SGCD: variants seen among roughly 807,000 people sequenced by gnomAD.
SGCD encodes sarcoglycan delta, also known as delta-sarcoglycan.
Under a neutral mutation model 36.6 loss-of-function variants are expected in SGCD, and 18 were observed. That is an observed-to-expected ratio of 0.49 (90% CI 0.34 to 0.73). The LOEUF (loss-of-function observed/expected upper bound fraction) is 0.73, where lower values mean the gene tolerates loss of function less well. Among genes scored for constraint, SGCD ranks in the 30% least tolerant of loss-of-function variants. The probability of loss-of-function intolerance (pLI) is 0.01; values close to 1 mark genes in which losing one functional copy is unlikely to be tolerated. For missense variants in SGCD, 387 were observed against 346.7 expected (o/e 1.12, Z -0.92); for synonymous variants, 133 against 130.6 (o/e 1.02, Z -0.12).
At chr5:156,050,549 TG>T (rs1184232581) in intron 1 of SGCD, among the ~76,000 whole-genome samples, 3 of 146,794 alleles carry the variant, frequency 2.0e-5, no homozygotes, top group African/African-American at 7.4e-5. Flanking sequence ...CTCTGAGCTA[TG>T]CTTTTATGCA....
At chr5:155,760,018 C>T in the SGCD span, among the ~76,000 whole-genome samples, 1 of 42,094 alleles carries the variant, frequency 2.4e-5, no homozygotes, top group Admixed American at 3.2e-4. Flanking sequence ...TTATCCTCAC[C>T]ATCATCATAA....
chr5:155,853,616 T>A, the SGCD span, among the ~76,000 whole-genome samples: 1 of 152,232 alleles, frequency 6.6e-6, no homozygotes, highest in Non-Finnish European at 1.5e-5. Flanking sequence ...TGTCATTAGC[T>A]CTTTGATAAT....
intron 6 of SGCD, among the ~76,000 whole-genome samples, chr5:156,635,138 T>G (rs140444869): frequency 6.6e-6 from 1 of 152,210 alleles, no homozygotes; most frequent in South Asian, 2.1e-4. Context: ...GTGGGAGGAT[T>G]GCTTGAGTTC....
intron 3 of SGCD, among the ~76,000 whole-genome samples, chr5:156,297,784 TAATAAAAA>T (rs939552618): frequency 7.4e-6 from 1 of 135,910 alleles, no homozygotes; most frequent in African/African-American, 3.1e-5. Context: ...ACTTAAAGTA[TAATAAAAA>T]AATAAATAAA....
At position 156,144,370 on chromosome 5, in the gene SGCD, C is replaced by T. The variant is rs1762660186; in HGVS notation, c.-44+20351C>T. 1.7e-4 allele frequency among the ~76,000 whole-genome samples: 26 copies of T among 152,234 alleles called. No homozygotes were observed. In the South Asian group the frequency reaches 4.8e-3, roughly 28 times the overall value. On this transcript the variant is annotated intron_variant, in intron 3 of 9. Transcript: ENST00000517913. ...GTCCCACCAACAGTGTAAAAGTGTTCCTATTTCTCCACATCCTCTCCAGAA... is the reference window on the plus strand; with the variant it reads ...GTCCCACCAACAGTGTAAAAGTGTTTCTATTTCTCCACATCCTCTCCAGAA...
chr5:156,432,592 T>C (rs906643324), intron 3 of SGCD, among the ~76,000 whole-genome samples: 1 of 152,088 alleles, frequency 6.6e-6, no homozygotes, highest in Admixed American at 6.6e-5. Context: ...GGGGTCAGGG[T>C]TAGGCGGGTC....
chr5:155,774,730 G>A, the SGCD span, among the ~76,000 whole-genome samples: 1 of 152,034 alleles, frequency 6.6e-6, no homozygotes, highest in Non-Finnish European at 1.5e-5. Context: ...ATGATACCAG[G>A]CCCACCTGGA....
At chr5:155,802,649 G>A in the SGCD span, among the ~76,000 whole-genome samples, 1 of 152,170 alleles carries the variant, frequency 6.6e-6, no homozygotes, top group Admixed American at 6.5e-5. Context: ...TATGTTTTTA[G>A]CAGCTCCTAC....
chr5:156,631,019 C>A (rs563043532), intron 6 of SGCD, among the ~76,000 whole-genome samples: 1 of 152,106 alleles, frequency 6.6e-6, no homozygotes, highest in Admixed American at 6.6e-5. Context: ...CCTGCCCCAG[C>A]CAAGGAAGGG....
intron 1 of SGCD, among the ~76,000 whole-genome samples, chr5:156,106,480 C>A (rs1250238406): frequency 6.6e-6 from 1 of 152,130 alleles, no homozygotes; most frequent in Non-Finnish European, 1.5e-5. Context: ...TTGTGAAATA[C>A]TATCAAGCTG....
chr5:156,491,729 A>T (rs1229081318), intron 3 of SGCD, among the ~76,000 whole-genome samples: 1 of 152,164 alleles, frequency 6.6e-6, no homozygotes, highest in Non-Finnish European at 1.5e-5. Flanking sequence ...GGCTGCAGTA[A>T]TTGTAAATTC....
intron 7 of SGCD, among the ~76,000 whole-genome samples, chr5:156,754,578 C>T (rs1202979089): frequency 6.6e-6 from 1 of 152,162 alleles, no homozygotes; most frequent in East Asian, 1.9e-4. Context: ...GAAAGAAATA[C>T]AGTTATTCTG....
At chr5:155,976,127 G>A (rs1758109053) in intron 1 of SGCD, among the ~76,000 whole-genome samples, 1 of 152,084 alleles carries the variant, frequency 6.6e-6, no homozygotes, top group African/African-American at 2.4e-5. Flanking sequence ...AAAAAATGCT[G>A]TAAGACAGAT....
At chr5:156,185,843 A>ATGTGTGTGTGTG (rs1465310637) in intron 3 of SGCD, among the ~76,000 whole-genome samples, 42 of 33,562 alleles carry the variant, frequency 1.3e-3, no homozygotes, top group African/African-American at 2.6e-3. Flanking sequence ...GTATATATAT[A>ATGTGTGTGTGTG]TATATATAGA....
At chr5:156,180,663 A>T (rs1763586577) in intron 3 of SGCD, among the ~76,000 whole-genome samples, 1 of 152,186 alleles carries the variant, frequency 6.6e-6, no homozygotes, top group Admixed American at 6.5e-5. Context: ...GGCATTCAAC[A>T]TTTATTTTAA....
intron 3 of SGCD, among the ~76,000 whole-genome samples, chr5:156,371,833 A>G (rs1386563485): frequency 1.3e-5 from 2 of 152,192 alleles, no homozygotes; most frequent in African/African-American, 4.8e-5. Context: ...CTGATGGTTT[A>G]TAGCACATCT....
At chr5:156,238,826 T>G (rs967034626) in intron 3 of SGCD, among the ~76,000 whole-genome samples, 4 of 152,130 alleles carry the variant, frequency 2.6e-5, no homozygotes, top group African/African-American at 9.7e-5. Context: ...CTGTAGCCTA[T>G]TTTAGAGTAT....
intron 4 of SGCD, among the ~76,000 whole-genome samples, chr5:156,578,794 G>A (rs147232585): frequency 0.032 from 4,816 of 151,990 alleles, 265 homozygotes; most frequent in African/African-American, 0.11. Context: ...ATCTATTTGA[G>A]TCTTCTCTCT....
chr5:156,227,601 C>T (rs995326131), intron 3 of SGCD, among the ~76,000 whole-genome samples: 3 of 151,204 alleles, frequency 2.0e-5, no homozygotes, highest in Admixed American at 6.6e-5. Flanking sequence ...TTTTTTGGTT[C>T]CATATGAATT....
Sources: allele counts gnomAD v4.1 joint callset (sites outside exome capture counted in the v4.1 genomes callset), GRCh38; gene constraint gnomAD v4.1.1; transcripts MANE v1.5; gene names NCBI Gene and HGNC (gene_info 2026-07-23, HGNC 2026-07-21).